The following PCDHA2 variants were observed in gnomAD, a reference collection of about 807,000 sequenced individuals.
PCDHA2 encodes protocadherin alpha-2.
PCDHA2 carries 58 observed loss-of-function variants against 66.0 expected under a neutral mutation model. That is an observed-to-expected ratio of 0.88 (90% confidence interval 0.71 to 1.09). The LOEUF (loss-of-function observed/expected upper bound fraction) is 1.09. PCDHA2 is among the 50% of genes least tolerant of loss of function. PCDHA2 has a pLI of 0.00. For missense variants in PCDHA2, 1,267 were observed against 1,242.3 expected (o/e 1.02, Z -0.30); for synonymous variants, 634 against 554.0 (o/e 1.14, Z -2.03).
At chr5:140,824,200 T>G (rs2150133192) in intron 1 of PCDHA2, 1 of 1,596,192 alleles carries the variant, frequency 6.3e-7, no homozygotes, top group Non-Finnish European at 8.6e-7. Flanking sequence ...TCACCCACTT[T>G]TTTTGTATTT....
chr5:140,854,880 T>C (rs1244023349), intron 1 of PCDHA2, among the ~76,000 whole-genome samples: 4 of 150,006 alleles, frequency 2.7e-5, no homozygotes, highest in African/African-American at 9.8e-5. Flanking sequence ...CTGTGTCTTT[T>C]GGGCATTTGA....
At chr5:140,803,323 G>A in intron 1 of PCDHA2, 1 of 1,614,176 alleles carries the variant, frequency 6.2e-7, no homozygotes, top group Non-Finnish European at 8.5e-7. Flanking sequence ...GCGGTGTCCA[G>A]TCTGTTGGTG....
intron 1 of PCDHA2, chr5:140,928,069 A>C (rs782427256): frequency 6.2e-7 from 1 of 1,614,180 alleles, no homozygotes; most frequent in Non-Finnish European, 8.5e-7. Context: ...TTCCTTTGAC[A>C]ACTACTACAG....
intron 1 of PCDHA2, chr5:140,969,386 C>T (rs782109093): frequency 2.5e-6 from 4 of 1,596,966 alleles, no homozygotes; most frequent in South Asian, 1.1e-5. Flanking sequence ...TACACATCCC[C>T]CAATATCCTG....
At chr5:140,972,471 G>A (rs1437633114) in intron 1 of PCDHA2, among the ~76,000 whole-genome samples, 6 of 151,998 alleles carry the variant, frequency 3.9e-5, no homozygotes, top group Non-Finnish European at 8.8e-5. Context: ...TTAAACATCA[G>A]CATTTAACCC....
rs2150353014 is a variant in PCDHA2 at position 140,843,115 on chromosome 5, C to T, written c.2388+45763C>T. 5.0e-6 allele frequency: 8 copies of T among 1,595,710 alleles called. 2 individuals carry two copies. Among genetic ancestry groups the T allele is most frequent in the African/African-American group, 2.7e-5 (2 of 74,438 alleles). On this transcript the variant is annotated intron_variant, in intron 1 of 3. Transcript: ENST00000526136. ...TGGTAGCGAAGGTGCGCGCAGTGGA[C>T]GCCGACTCGGGCTACAACGCGTGGC...
intron 1 of PCDHA2, chr5:140,834,480 T>C: frequency 1.2e-6 from 2 of 1,614,154 alleles, no homozygotes; most frequent in Non-Finnish European, 8.5e-7. Flanking sequence ...CCAGCTCCAC[T>C]ACTCGGTCCC....
chr5:140,910,845 G>T (rs1448971238), intron 1 of PCDHA2, among the ~76,000 whole-genome samples: 1 of 152,090 alleles, frequency 6.6e-6, no homozygotes, highest in Admixed American at 6.5e-5. Flanking sequence ...CAATGCCTTG[G>T]ATCTATGTTC....
Position 140,866,315 on chromosome 5 carries a change from A to C in PCDHA2, c.2388+68963A>C, listed in dbSNP as rs529442584. On this transcript the variant is annotated intron_variant, in intron 1 of 3. Transcript: ENST00000526136. ...GTATAGATGTTGATATTATTATTTC[A>C]GGGACCCTGAACTTGGCCAAAGGAT... The C allele has an allele frequency of 2.6e-5, 4 of 152,278 alleles. No individual in the cohort carries two copies. The East Asian group carries it at 7.7e-4, about 29-fold the overall frequency. 9.4% of individuals were successfully genotyped at this position (152,278 alleles called of 1,614,324 possible).
rs79831933 is a variant in PCDHA2, at chr5:140,933,507, A to G, written c.2389-45442A>G. ...TATTCTTTAGAATTGTTAAGCAAAG[A>G]CTACAGCTGTTTTGTTTAAACTCAA... On this transcript the variant is annotated intron_variant, in intron 1 of 3. Transcript: ENST00000526136. 5.9e-3 allele frequency among the ~76,000 whole-genome samples: 898 copies of G among 152,170 alleles called. 13 individuals carry two copies. Among genetic ancestry groups the G allele is most frequent in the African/African-American group, 0.02 (841 of 41,572 alleles).
chr5:140,815,311 A>G (rs2150039316), intron 1 of PCDHA2: 1 of 152,120 alleles, frequency 6.6e-6, no homozygotes, highest in African/African-American at 2.4e-5. Context: ...TGAGAATTGT[A>G]ATGCTATGTT....
chr5:140,917,837 T>G (rs2078388052), intron 1 of PCDHA2, among the ~76,000 whole-genome samples: 1 of 152,174 alleles, frequency 6.6e-6, no homozygotes, highest in Non-Finnish European at 1.5e-5. Context: ...GATGTCCTTC[T>G]TGTTCTTTTT....
intron 1 of PCDHA2, chr5:140,829,077 C>A (rs2150162312): frequency 1.2e-6 from 2 of 1,611,602 alleles, no homozygotes; most frequent in East Asian, 4.5e-5. Context: ...GGCCATCCTC[C>A]CATGGCGGGT....
intron 1 of PCDHA2, chr5:140,803,167 C>A (rs1554122607): frequency 2.5e-6 from 4 of 1,613,894 alleles, no homozygotes; most frequent in Non-Finnish European, 3.4e-6. Context: ...CACGGTGAAC[C>A]CTCATTGACC....
At chr5:141,008,440 A>T (rs545076432) in intron 3 of PCDHA2, among the ~76,000 whole-genome samples, 196 of 152,294 alleles carry the variant, frequency 1.3e-3, no homozygotes, top group South Asian at 8.7e-3. Flanking sequence ...GCCCAGACAG[A>T]CCATTACCCT....
chr5:140,850,675 C>A (rs2150493362), intron 1 of PCDHA2: 3 of 1,598,470 alleles, frequency 1.9e-6, no homozygotes, highest in Non-Finnish European at 2.6e-6. Context: ...TCGGCGATGC[C>A]CACCGAGGGC....
chr5:141,002,120 T>C (rs1416494483), intron 3 of PCDHA2, among the ~76,000 whole-genome samples: 1 of 152,250 alleles, frequency 6.6e-6, no homozygotes, highest in African/African-American at 2.4e-5. Context: ...CTATAATCAT[T>C]TAATAGCCTT....
rs1554139232 is a variant in PCDHA2 at position 140,842,637 on chromosome 5, C to T, written c.2388+45285C>T. On this transcript the variant is annotated intron_variant, in intron 1 of 3. Transcript: ENST00000526136. ...GGCTCGCCTTCGCTGTGGGCCACCG[C>T]CAGCTTGTCTGTGGAGGTGGCCGAC... 4 of 1,592,344 alleles carry T rather than the reference C, an allele frequency of 2.5e-6. No individual in the cohort carries two copies. The Middle Eastern group carries it at 6.8e-4, about 271-fold the overall frequency.
intron 1 of PCDHA2, chr5:140,854,181 AGTTT>A (rs1554147112): frequency 9.2e-6 from 4 of 434,258 alleles, no homozygotes; most frequent in Non-Finnish European, 1.2e-5. Flanking sequence ...AAAAAAGAGT[AGTTT>A]AACTACTCCC....
Sources: allele counts gnomAD v4.1 joint callset (sites outside exome capture counted in the v4.1 genomes callset), GRCh38; gene constraint gnomAD v4.1.1; transcripts MANE v1.5; gene names NCBI Gene and HGNC (gene_info 2026-07-23, HGNC 2026-07-21).